TRIM3: variants seen among roughly 807,000 people sequenced by gnomAD.
TRIM3 encodes tripartite motif containing 3, also known as tripartite motif-containing protein 3.
TRIM3 carries 13 observed loss-of-function variants against 66.6 expected under a neutral mutation model. The observed-to-expected ratio is 0.20, with a 90% confidence interval of 0.13 to 0.31. The LOEUF (loss-of-function observed/expected upper bound fraction) is 0.31. Among genes scored for constraint, TRIM3 ranks in the 10% least tolerant of loss-of-function variants. The pLI, the probability that TRIM3 is intolerant of heterozygous loss-of-function variation, is 1.00. For synonymous variants in TRIM3, 406 were observed against 411.7 expected, an observed-to-expected ratio of 0.99 and a Z score of 0.17; for missense variants, 711 against 1,020.4, an observed-to-expected ratio of 0.70 and a Z score of 4.13.
chr11:6,474,346 T>A (rs1227447058), upstream of TRIM3: 2 of 152,110 alleles, frequency 1.3e-5, no homozygotes, highest in African/African-American at 4.8e-5. Flanking sequence ...TTCCTTGGAG[T>A]GCTCCTATGG....
chr11:6,469,454 T>A (rs1850598319), intron 1 of TRIM3, among the ~76,000 whole-genome samples: 2 of 152,312 alleles, frequency 1.3e-5, no homozygotes, highest in South Asian at 4.1e-4. Context: ...CTCTAGAGAT[T>A]TGCCCCCAAG....
At chr11:6,466,082 T>A (rs1229322093) in intron 1 of TRIM3, among the ~76,000 whole-genome samples, 1 of 152,136 alleles carries the variant, frequency 6.6e-6, no homozygotes. Context: ...TACAGAGATG[T>A]CCATTTTCAC....
At chr11:6,471,571 C>G (rs764199742) in intron 1 of TRIM3, among the ~76,000 whole-genome samples, 6 of 152,230 alleles carry the variant, frequency 3.9e-5, no homozygotes, top group Admixed American at 2.6e-4. Flanking sequence ...CCAGGTCCTT[C>G]AGCTGTGAAA....
chr11:6,455,920 A>G, intron 7 of TRIM3, 152 bp downstream of exon 7: 1 of 764,182 alleles, frequency 1.3e-6, no homozygotes, highest in Non-Finnish European at 2.1e-6. Context: ...TGGGTGCGTA[A>G]GGGGTGATCC....
At chr11:6,451,866 A>G (rs1244074488) in intron 7 of TRIM3, 1 of 169,924 alleles carries the variant, frequency 5.9e-6, no homozygotes, top group Admixed American at 6.0e-5. Flanking sequence ...AAAAGAAGGA[A>G]TTATGTTTTA....
Position 6,458,151 on chromosome 11 carries a change from G to C in TRIM3, c.277C>G (p.Pro93Ala), listed in dbSNP as rs750980669. 23 of 1,614,028 alleles carry C rather than the reference G, an allele frequency of 1.4e-5. No individual in the cohort carries two copies. The highest frequency in any genetic ancestry group is 2.2e-5 in the South Asian group (2 of 91,094). ...TCCTCCGGGTCGTGGGCCCCATCAGGTGCCTGCTGCATTGCCTCCATGAGG... is the reference window on the plus strand; with the variant it reads ...TCCTCCGGGTCGTGGGCCCCATCAGCTGCCTGCTGCATTGCCTCCATGAGG... ...SSLMEAMQQAPDGAHDPEDPH... is the reference protein window; with the variant it reads ...SSLMEAMQQAADGAHDPEDPH... The change falls in exon 3 of 12, where the codon CCT becomes GCT. Residue 93 changes from proline (P) to alanine (A), a missense_variant. Physicochemically the swap from Pro to Ala is conservative, Grantham distance 27. Around this residue, in one of 3 missense-constraint regions of TRIM3, gnomAD observed 149 missense variants for 240.3 expected, o/e 0.62. Transcript: ENST00000345851. The surrounding 1 kb of genome is among the most constrained non-coding windows in gnomAD (Gnocchi z 6.2).
intron 2 of TRIM3, among the ~76,000 whole-genome samples, chr11:6,460,621 T>C (rs762665364): frequency 1.3e-5 from 2 of 152,090 alleles, no homozygotes; most frequent in Non-Finnish European, 2.9e-5. Context: ...AGGGGCCTGA[T>C]GATGGCTCAG....
Position 6,451,397 on chromosome 11 carries a change from G to T in TRIM3, c.1575C>A (p.Val525=). ...GCAGCTGCCCAGGTGAGCGTCCTCG[G>T]ACCCCAAAACGGAACTTGAACTGGC... is the stretch of plus-strand genomic sequence containing the variant. ...NEGQFKFRFG[V]RGRSPGQLQR... The change falls in exon 8 of 12, where the codon GTC becomes GTA. Residue 525 remains valine (V), a synonymous_variant. Coordinates refer to ENST00000345851, the MANE Select transcript of TRIM3 (RefSeq NM_033278.4). The T allele has an allele frequency of 6.2e-7, 1 of 1,614,206 alleles. No homozygotes were observed. Among genetic ancestry groups the T allele is most frequent in the Non-Finnish European group, 8.5e-7 (1 of 1,180,050 alleles).
At chr11:6,453,874 G>A (rs1449619871) in intron 7 of TRIM3, among the ~76,000 whole-genome samples, 1 of 152,206 alleles carries the variant, frequency 6.6e-6, no homozygotes, top group East Asian at 1.9e-4. Flanking sequence ...AGGGGGATCA[G>A]ACCTCATCAG....
Position 6,457,191 on chromosome 11 carries a change from A to G in TRIM3, c.696+105T>C. 1 of 1,536,088 alleles carries G rather than the reference A, an allele frequency of 6.5e-7. No homozygotes were observed. The highest frequency in any genetic ancestry group is 2.3e-5 in the East Asian group (1 of 44,304). On this transcript the variant is annotated intron_variant, in intron 5 of 11. Coordinates refer to ENST00000345851, the MANE Select transcript of TRIM3 (RefSeq NM_033278.4). The surrounding 1 kb of genome is among the most constrained non-coding windows in gnomAD (Gnocchi z 4.5). ...CCGAGGGCATGTCAGGAGGCAGAAT[A>G]TCTAGGCTGGGGAATGGGGAGCTGG...
chr11:6,450,468 A>C lies in TRIM3; in HGVS notation c.1941+83T>G. On this transcript the variant is annotated intron_variant, in intron 10 of 11. Transcript: ENST00000345851. The surrounding 1 kb of genome is among the most constrained non-coding windows in gnomAD (Gnocchi z 4.8). ...TGAGTGAATGATCTCAAAGGGGAAA[A>C]GGAGGAGGTAAAATAGAGAGGAGTC... 8.4e-7 allele frequency: 1 copy of C among 1,192,912 alleles called. No homozygotes were observed. Among genetic ancestry groups the C allele is most frequent in the Non-Finnish European group, 1.3e-6 (1 of 798,278 alleles). 73.9% of individuals were successfully genotyped at this position (1,192,912 alleles called of 1,614,324 possible). A position where few individuals can be genotyped will look rare whatever the true frequency, so the allele number is the denominator to read the frequency against.
intron 1 of TRIM3, among the ~76,000 whole-genome samples, chr11:6,471,498 A>G (rs1368411486): frequency 6.6e-6 from 1 of 152,208 alleles, no homozygotes; most frequent in African/African-American, 2.4e-5. Context: ...ATCTCCCCCA[A>G]CATTGCCAGA....
Position 6,456,813 on chromosome 11 carries a change from G to C in TRIM3, c.913C>G (p.Leu305Val), listed in dbSNP as rs201671612. 2.0e-5 allele frequency: 33 copies of C among 1,612,812 alleles called. No homozygotes were observed. In the East Asian group the frequency reaches 3.1e-4, roughly 15 times the overall value. Residue 305 changes from leucine (L) to valine (V), a missense_variant, in exon 6 of 12, where the codon CTG becomes GTG. Physicochemically the swap from Leu to Val is conservative, Grantham distance 32. Transcript: ENST00000345851. The surrounding 1 kb of genome is among the most constrained non-coding windows in gnomAD (Gnocchi z 6.4). ...CCCAGATTGAGCACCGATCGCCGCAGACCGTCCACCTCAAGGACCAGTTCC... is the reference window on the plus strand; with the variant it reads ...CCCAGATTGAGCACCGATCGCCGCACACCGTCCACCTCAAGGACCAGTTCC... ...QLELVLEVDG[L>V]RRSVLNLGAL...
chr11:6,451,503 G>A (rs1282563627), intron 7 of TRIM3, 65 bp from the exon 8 acceptor site: 23 of 1,561,430 alleles, frequency 1.5e-5, no homozygotes, highest in Non-Finnish European at 1.9e-5. Flanking sequence ...CAGACAGAAG[G>A]GAGTAGGATC....
At chr11:6,455,837 C>G (rs1589827269) in intron 7 of TRIM3, among the ~76,000 whole-genome samples, 1 of 152,208 alleles carries the variant, frequency 6.6e-6, no homozygotes, top group African/African-American at 2.4e-5. Context: ...GTAGAGGCTA[C>G]AAGCATAGTA....
chr11:6,463,557 G>A (rs912148665), intron 2 of TRIM3, among the ~76,000 whole-genome samples: 7 of 152,192 alleles, frequency 4.6e-5, no homozygotes, highest in African/African-American at 1.4e-4. Context: ...GGAGCCAGTC[G>A]GTCAGCCACA....
In TRIM3 at chr11:6,456,721, C is replaced by T. The variant is rs769338273; in HGVS notation, c.1005G>A (p.Ala335=). The change falls in exon 6 of 12, where the codon GCG becomes GCA. Residue 335 remains alanine, a synonymous_variant. Coordinates refer to ENST00000345851, the MANE Select transcript of TRIM3 (RefSeq NM_033278.4). This position sits in a 1 kb window ranked among gnomAD's most constrained non-coding sequence, Gnocchi z 6.4. ...TGAGCGAGGCAGGCTGGCCCACTAG[C>T]GCCTGGCGCAGGCCCTCTCCCGTGG... ...TVATGEGLRQ[A]LVGQPASLTV... 4 of 1,608,658 alleles carry T rather than the reference C, an allele frequency of 2.5e-6. No homozygotes were observed. The highest frequency in any genetic ancestry group is 1.1e-5 in the South Asian group (1 of 91,018).
At chr11:6,466,380 T>C (rs1307833483) in intron 1 of TRIM3, among the ~76,000 whole-genome samples, 2 of 152,260 alleles carry the variant, frequency 1.3e-5, no homozygotes, top group African/African-American at 2.4e-5. Flanking sequence ...ACTGGTGTTC[T>C]TGTCTCCTCA....
Position 6,457,414 on chromosome 11 carries a change from C to T in TRIM3, c.578G>A (p.Arg193His), listed in dbSNP as rs751113447. ...GATCTGGGCCAGGGCCTCTGCCTTG[C>T]GCTCCTGCAGCTGCTGGCTGATGCC... ...VGGISQQLQE[R>H]KAEALAQISA... The change falls in exon 5 of 12, where the codon CGC (arginine) becomes CAC (histidine). Residue 193 changes from arginine (R) to histidine (H), a missense_variant. This residue lies in a region of TRIM3 where 399 missense variants were observed against 458.1 expected (regional missense o/e 0.87). Transcript: ENST00000345851. The surrounding 1 kb of genome is among the most constrained non-coding windows in gnomAD (Gnocchi z 4.5). The T allele has an allele frequency of 5.0e-6, 8 of 1,613,686 alleles. No individual in the cohort carries two copies. The highest frequency in any genetic ancestry group is 2.2e-5 in the South Asian group (2 of 91,054).
Sources: allele counts gnomAD v4.1 joint callset (sites outside exome capture counted in the v4.1 genomes callset), GRCh38; gene constraint gnomAD v4.1.1; regional missense constraint gnomAD v4.1.1; non-coding constraint Gnocchi (gnomAD v3.1); transcripts MANE v1.5; gene names NCBI Gene and HGNC (gene_info 2026-07-23, HGNC 2026-07-21).